The following DCAF12 variants were observed in gnomAD, a reference collection of about 807,000 sequenced individuals.
DCAF12 encodes the protein DDB1 and CUL4 associated factor 12.
DCAF12 carries 28 observed loss-of-function variants against 52.8 expected under a neutral mutation model. That is an observed-to-expected ratio of 0.53 (90% CI 0.39 to 0.73). The LOEUF (loss-of-function observed/expected upper bound fraction) is 0.73, where lower values mean the gene tolerates loss of function less well. Among genes scored for constraint, DCAF12 ranks in the 30% least tolerant of loss-of-function variants. The pLI is 0.00. For synonymous variants in DCAF12, 196 were observed against 215.5 expected (o/e 0.91, Z 0.79); for missense variants, 425 against 552.2 (o/e 0.77, Z 2.31).
chr9:34,121,394 T>A (rs1328686576), intron 2 of DCAF12, among the ~76,000 whole-genome samples: 9 of 152,166 alleles, frequency 5.9e-5, no homozygotes, highest in African/African-American at 2.2e-4. Flanking sequence ...CAAGTCCCAG[T>A]GTTGTAACTC....
chr9:34,114,533 G>GCTGC (rs1160414498), intron 2 of DCAF12, among the ~76,000 whole-genome samples: 2 of 152,176 alleles, frequency 1.3e-5, no homozygotes, highest in Non-Finnish European at 2.9e-5. Flanking sequence ...ATGTGGATGA[G>GCTGC]CTGCCACAGA....
In DCAF12 at chr9:34,103,634, G is replaced by A. The variant is rs559463895; in HGVS notation, c.601+2800C>T. 3.9e-5 allele frequency among the ~76,000 whole-genome samples: 6 copies of A among 152,100 alleles called. No individual in the cohort carries two copies. In the East Asian group the frequency reaches 1.2e-3, roughly 29 times the overall value. Reference sequence around the variant, plus strand: ...TTCGAGAGGCTCAAGTGGGAGGATCGCTTGAGCCTAGGAGTTTGACAGCAG... The same window carrying A: ...TTCGAGAGGCTCAAGTGGGAGGATCACTTGAGCCTAGGAGTTTGACAGCAG... On this transcript the variant is annotated intron_variant, in intron 4 of 8. Transcript: ENST00000361264.
intron 2 of DCAF12, among the ~76,000 whole-genome samples, chr9:34,113,174 G>A (rs553913689): frequency 1.5e-4 from 22 of 151,510 alleles, no homozygotes; most frequent in Non-Finnish European, 2.8e-4. Flanking sequence ...CCTCAGCCTC[G>A]CCGAGTACCT....
At chr9:34,089,028 G>C (rs1449216877) in intron 8 of DCAF12, among the ~76,000 whole-genome samples, 1 of 150,558 alleles carries the variant, frequency 6.6e-6, no homozygotes, top group Non-Finnish European at 1.5e-5. Flanking sequence ...AGGACTGCTT[G>C]AGCCCAGGAG....
intron 6 of DCAF12, among the ~76,000 whole-genome samples, chr9:34,095,377 T>A (rs1695123568): frequency 1.6e-5 from 1 of 62,922 alleles, no homozygotes; most frequent in Non-Finnish European, 4.1e-5. Flanking sequence ...CAGGCCTTTT[T>A]TTTTTTTTTT....
In DCAF12 at chr9:34,120,135, G is replaced by A. The variant is rs147196403; in HGVS notation, c.333+4888C>T. On this transcript the variant is annotated intron_variant, in intron 2 of 8. Transcript: ENST00000361264. ...GGAGAATCACTTCAACCTGGGAGGC[G>A]GAGGTTGCAGTGAGCTGAAACTGAG... 1.9e-3 allele frequency among the ~76,000 whole-genome samples: 278 copies of A among 148,726 alleles called. 1 individual carries two copies. Among genetic ancestry groups the A allele is most frequent in the African/African-American group, 6.5e-3 (259 of 40,066 alleles).
intron 5 of DCAF12, 46 bp downstream of exon 5, chr9:34,098,278 A>G: frequency 6.3e-7 from 1 of 1,584,052 alleles, no homozygotes; most frequent in Non-Finnish European, 8.6e-7. Context: ...ATCCCAAGAC[A>G]TAAGCAAGAG....
intron 4 of DCAF12, among the ~76,000 whole-genome samples, chr9:34,100,750 T>C (rs1828816046): frequency 6.6e-6 from 1 of 151,916 alleles, no homozygotes; most frequent in Non-Finnish European, 1.5e-5. Context: ...TCCAGCTGCC[T>C]CATCCTGTCA....
chr9:34,119,075 T>C (rs369683696), intron 2 of DCAF12, among the ~76,000 whole-genome samples: 35 of 152,306 alleles, frequency 2.3e-4, no homozygotes, highest in African/African-American at 2.9e-4. Flanking sequence ...TATTTGCCCA[T>C]TGAGAATCAA....
rs1414605832 is a variant in DCAF12 at position 34,086,939 on chromosome 9, A to G, written c.*1411T>C. On this transcript the variant is annotated 3_prime_UTR_variant, in exon 9 of 9. Coordinates refer to ENST00000361264, the MANE Select transcript of DCAF12 (RefSeq NM_015397.4). ...TGGGATGTTGACAGAAAAGCAGAGT[A>G]TGTGCTTAGAGGAACTGGTGGGTGG... 1.3e-5 allele frequency: 2 copies of G among 152,238 alleles called. No homozygotes were observed. The highest frequency in any genetic ancestry group is 4.8e-5 in the African/African-American group (2 of 41,476). 9.4% of individuals were successfully genotyped at this position (152,238 alleles called of 1,614,324 possible). A position where few individuals can be genotyped will look rare whatever the true frequency, so the allele number is the denominator to read the frequency against.
chr9:34,112,340 AAT>A (rs1829016885), intron 2 of DCAF12, among the ~76,000 whole-genome samples: 2 of 152,204 alleles, frequency 1.3e-5, no homozygotes, highest in Non-Finnish European at 2.9e-5. Flanking sequence ...TCACGCCTGT[AAT>A]CCCAGTACTT....
intron 2 of DCAF12, among the ~76,000 whole-genome samples, chr9:34,118,625 C>T (rs541356974): frequency 3.3e-5 from 5 of 152,038 alleles, no homozygotes; most frequent in Non-Finnish European, 5.9e-5. Flanking sequence ...ACGGTAATTA[C>T]GTATCTGGTA....
rs1828565615 is a variant in DCAF12, at chr9:34,086,944, C to G, written c.*1406G>C. Reference sequence around the variant, plus strand: ...TGTTGACAGAAAAGCAGAGTATGTGCTTAGAGGAACTGGTGGGTGGGAACA... The same window carrying G: ...TGTTGACAGAAAAGCAGAGTATGTGGTTAGAGGAACTGGTGGGTGGGAACA... On this transcript the variant is annotated 3_prime_UTR_variant, in exon 9 of 9. Coordinates refer to ENST00000361264, the MANE Select transcript of DCAF12 (RefSeq NM_015397.4). 6.6e-6 allele frequency: 1 copy of G among 152,128 alleles called. No individual in the cohort carries two copies. Among genetic ancestry groups the G allele is most frequent in the Non-Finnish European group, 1.5e-5 (1 of 68,036 alleles). 9.4% of individuals were successfully genotyped at this position (152,128 alleles called of 1,614,324 possible).
intron 6 of DCAF12, chr9:34,093,665 G>A (rs1180981510): frequency 6.0e-6 from 3 of 502,478 alleles, no homozygotes; most frequent in Non-Finnish European, 1.1e-5. Context: ...GAAGGAGATA[G>A]GTTGGGGAAA....
chr9:34,114,643 G>C (rs975275079), intron 2 of DCAF12, among the ~76,000 whole-genome samples: 17 of 152,102 alleles, frequency 1.1e-4, no homozygotes, highest in African/African-American at 2.7e-4. Flanking sequence ...TGGGATCCCT[G>C]CCAGAAACTA....
In DCAF12 at chr9:34,096,728, A is replaced by AT. The variant is rs1564095034; in HGVS notation, c.848dup (p.Asn283LysfsTer5). The AT allele has an allele frequency of 6.2e-7, 1 of 1,614,056 alleles. No homozygotes were observed. Among genetic ancestry groups the AT allele is most frequent in the Admixed American group, 1.7e-5 (1 of 60,012 alleles). The stretch of plus-strand genomic sequence containing the variant: ...ATGTTCATCACACCTTAGATAGTGT[A>AT]TTTTCAGCCTTCCAGAGATGAAAGT... On this transcript the variant is annotated frameshift_variant, in exon 6 of 9. Coordinates refer to ENST00000361264, the MANE Select transcript of DCAF12 (RefSeq NM_015397.4). LOFTEE classifies it high-confidence loss of function.
chr9:34,102,158 G>A (rs965626470), intron 4 of DCAF12, among the ~76,000 whole-genome samples: 1 of 151,422 alleles, frequency 6.6e-6, no homozygotes, highest in Non-Finnish European at 1.5e-5. Flanking sequence ...GCATGGTGGC[G>A]CAAACCTGTG....
chr9:34,113,197 G>T (rs1432309803), intron 2 of DCAF12, among the ~76,000 whole-genome samples: 1 of 151,906 alleles, frequency 6.6e-6, no homozygotes, highest in African/African-American at 2.4e-5. Flanking sequence ...GATTACAGGT[G>T]CCTGCCACCA....
At chr9:34,113,952 C>CA (rs1175501347) in intron 2 of DCAF12, among the ~76,000 whole-genome samples, 1 of 150,466 alleles carries the variant, frequency 6.6e-6, no homozygotes, top group African/African-American at 2.4e-5. Flanking sequence ...ACTAAAAATA[C>CA]AAAAAATTAG....
Sources: gnomAD v4.1 joint callset for allele counts (sites outside exome capture counted in the v4.1 genomes callset) on GRCh38, gnomAD v4.1.1 for gene constraint, MANE v1.5 for transcripts, NCBI Gene and HGNC (gene_info 2026-07-23, HGNC 2026-07-21) for gene names.